Variants in TEAD4 observed in about 807,000 individuals in gnomAD.
TEAD4 encodes transcriptional enhancer factor TEF-3.
Under a neutral mutation model 52.4 loss-of-function variants are expected in TEAD4, and 36 were observed. The ratio of observed to expected loss-of-function variants is 0.69; its 90% CI spans 0.53 to 0.91. TEAD4 has a LOEUF of 0.91. Ranked by LOEUF, TEAD4 falls within the 40% of genes least tolerant of loss-of-function variation. The pLI, the probability that TEAD4 is intolerant of heterozygous loss-of-function variation, is 0.00. For missense variants in TEAD4, 508 were observed against 583.9 expected (o/e 0.87, Z 1.34); for synonymous variants, 220 against 231.0 (o/e 0.95, Z 0.43).
rs970878516 is a variant in TEAD4, at chr12:2,985,610, G to A, written c.-29-9128G>A. Among the ~76,000 whole-genome samples the A allele has an allele frequency of 9.1e-5, 13 of 143,586 alleles. No individual in the cohort carries two copies. In the East Asian group the frequency reaches 1.9e-3, roughly 20 times the overall value. The allele number at this position is 143,586 out of a possible 152,430, so 94.2% of individuals were successfully genotyped here. ...AACCTCCGCCTCCCGGGTTTAAGCG[G>A]TTCTCCTGCCTCAGCCTCCCTAGTA... On this transcript the variant is annotated intron_variant, in intron 2 of 12. Coordinates refer to ENST00000359864, the MANE Select transcript of TEAD4 (RefSeq NM_003213.4).
At chr12:2,981,537 C>T (rs1756142001) in intron 2 of TEAD4, among the ~76,000 whole-genome samples, 1 of 152,218 alleles carries the variant, frequency 6.6e-6, no homozygotes, top group Non-Finnish European at 1.5e-5. Flanking sequence ...TCCACCCAAG[C>T]CTCTGACACT....
intron 3 of TEAD4, among the ~76,000 whole-genome samples, chr12:3,010,393 T>C (rs369400302): frequency 6.6e-6 from 1 of 152,220 alleles, no homozygotes; most frequent in East Asian, 1.9e-4. Context: ...ACCTTCCTTG[T>C]TGAGGGGTCT....
chr12:2,993,107 A>G (rs747824974), intron 2 of TEAD4, among the ~76,000 whole-genome samples: 2 of 152,180 alleles, frequency 1.3e-5, no homozygotes, highest in Non-Finnish European at 2.9e-5. Context: ...AAAATTTTTC[A>G]TTGTGGTAAA....
chr12:3,029,818 A>G (rs2098274396), intron 10 of TEAD4, among the ~76,000 whole-genome samples: 1 of 152,128 alleles, frequency 6.6e-6, no homozygotes, highest in African/African-American at 2.4e-5. Context: ...GCAAGGTAGG[A>G]CTTGTCACCT....
At chr12:2,982,318 G>A (rs574168071) in intron 2 of TEAD4, among the ~76,000 whole-genome samples, 7 of 152,350 alleles carry the variant, frequency 4.6e-5, no homozygotes, top group Non-Finnish European at 1.0e-4. Flanking sequence ...TGTCTTCTGG[G>A]GTTGCCCTGG....
At chr12:3,012,589 G>T (rs2098261216) in intron 5 of TEAD4, among the ~76,000 whole-genome samples, 1 of 152,072 alleles carries the variant, frequency 6.6e-6, no homozygotes, top group South Asian at 2.1e-4. Flanking sequence ...GCAGGGGCAT[G>T]GGGGGGTGCC....
intron 2 of TEAD4, among the ~76,000 whole-genome samples, chr12:2,972,721 G>A (rs576539523): frequency 2.6e-4 from 40 of 151,724 alleles, no homozygotes; most frequent in Non-Finnish European, 4.1e-4. Flanking sequence ...GGTTGGTCTC[G>A]AACTCCTGAC....
chr12:3,005,472 T>A (rs2098255102), intron 3 of TEAD4, among the ~76,000 whole-genome samples: 1 of 151,538 alleles, frequency 6.6e-6, no homozygotes, highest in Non-Finnish European at 1.5e-5. Context: ...TTTTTATTTT[T>A]ATTTTTATTA....
intron 10 of TEAD4, among the ~76,000 whole-genome samples, chr12:3,025,217 C>T (rs910723624): frequency 1.3e-5 from 2 of 152,226 alleles, no homozygotes; most frequent in Admixed American, 6.5e-5. Context: ...GCTGGGATTA[C>T]AGGTGTGAGC....
chr12:2,964,969 T>G (rs1025185839), intron 2 of TEAD4, among the ~76,000 whole-genome samples: 2 of 152,084 alleles, frequency 1.3e-5, no homozygotes, highest in African/African-American at 2.4e-5. Context: ...TTCTCACAGA[T>G]AGGCTTTGGG....
At chr12:3,014,801 C>G (rs4759433) in intron 5 of TEAD4, among the ~76,000 whole-genome samples, 112,015 of 151,920 alleles carry the variant, frequency 0.74, 45,163 homozygotes, top group East Asian at 0.96. Flanking sequence ...CTGCCCAGGC[C>G]GCGGTTTCCT....
In TEAD4 at chr12:2,980,799, G is replaced by A. The variant is rs569286058; in HGVS notation, c.-29-13939G>A. On this transcript the variant is annotated intron_variant, in intron 2 of 12. Coordinates refer to ENST00000359864, the MANE Select transcript of TEAD4 (RefSeq NM_003213.4). ...ATCATGGCCAGGCGCAGTGACTCAC[G>A]CCTGTAATCCCAGCAGTTTGGGAGG... Among the ~76,000 whole-genome samples the A allele has an allele frequency of 1.3e-3, 197 of 152,090 alleles. 1 individual carries two copies. Among genetic ancestry groups the A allele is most frequent in the Admixed American group, 2.6e-3 (39 of 15,270 alleles).
chr12:3,024,026 C>T (rs980918019), intron 10 of TEAD4, among the ~76,000 whole-genome samples: 1 of 152,064 alleles, frequency 6.6e-6, no homozygotes, highest in Non-Finnish European at 1.5e-5. Flanking sequence ...TCCCCCTCAT[C>T]ATCCCAATGT....
At chr12:2,967,129 C>A (rs758483998) in intron 2 of TEAD4, among the ~76,000 whole-genome samples, 3 of 152,078 alleles carry the variant, frequency 2.0e-5, no homozygotes, top group Non-Finnish European at 2.9e-5. Flanking sequence ...AAAAATATTT[C>A]TCTCTTAAAA....
Position 3,023,405 on chromosome 12 carries a change from G to C in TEAD4, c.897+1388G>C, listed in dbSNP as rs143334414. ...TAACCTGTTCTGGAATGAAAAATAA[G>C]TAGTATTTTATTTTACTTGGTCTTC... On this transcript the variant is annotated intron_variant, in intron 10 of 12. Coordinates refer to ENST00000359864, the MANE Select transcript of TEAD4 (RefSeq NM_003213.4). 3.3e-5 allele frequency among the ~76,000 whole-genome samples: 5 copies of C among 152,254 alleles called. No individual in the cohort carries two copies. The East Asian group carries it at 9.6e-4, about 29-fold the overall frequency.
chr12:2,979,863 C>T (rs1340422012), intron 2 of TEAD4, among the ~76,000 whole-genome samples: 3 of 152,132 alleles, frequency 2.0e-5, no homozygotes, highest in Admixed American at 1.3e-4. Context: ...CAATGCCTGT[C>T]ATATAGTACA....
At chr12:3,015,526 C>T (rs1415176220) in intron 5 of TEAD4, among the ~76,000 whole-genome samples, 27 of 152,374 alleles carry the variant, frequency 1.8e-4, no homozygotes, top group Admixed American at 1.6e-3. Flanking sequence ...CGGGGGAGCA[C>T]TGAGCCTCTC....
At chr12:3,010,429 G>T (rs2098259355) in intron 3 of TEAD4, among the ~76,000 whole-genome samples, 1 of 152,234 alleles carries the variant, frequency 6.6e-6, no homozygotes, top group Non-Finnish European at 1.5e-5. Context: ...CTGCACATGT[G>T]CACTGACTGG....
At chr12:2,983,793 C>A (rs536543584) in intron 2 of TEAD4, among the ~76,000 whole-genome samples, 44 of 152,342 alleles carry the variant, frequency 2.9e-4, no homozygotes, top group African/African-American at 9.6e-4. Flanking sequence ...TAACACTTAA[C>A]AAATATCCCT....
Sources: gnomAD v4.1 joint callset for allele counts (sites outside exome capture counted in the v4.1 genomes callset) on GRCh38, gnomAD v4.1.1 for gene constraint, MANE v1.5 for transcripts, NCBI Gene and HGNC (gene_info 2026-07-23, HGNC 2026-07-21) for gene names.